Variants in TRIOBP observed in about 807,000 individuals in gnomAD.
TRIOBP encodes TRIO and F-actin binding protein, also known as TRIO and F-actin-binding protein.
A neutral mutation model predicts 238.8 loss-of-function variants in TRIOBP; 169 were observed. The ratio of observed to expected loss-of-function variants is 0.71; its 90% CI spans 0.62 to 0.80. The LOEUF (loss-of-function observed/expected upper bound fraction) is 0.80, where lower values mean the gene tolerates loss of function less well. Ranked by LOEUF, TRIOBP falls within the 30% of genes least tolerant of loss-of-function variation. TRIOBP has a pLI of 0.00. For missense variants in TRIOBP, 2,838 were observed against 3,122.6 expected (o/e 0.91, Z 2.17); for synonymous variants, 1,150 against 1,274.4 (o/e 0.90, Z 2.08).
At chr22:37,713,099 C>G in intron 4 of TRIOBP, 111 bp from the exon 5 acceptor site, 1 of 973,688 alleles carries the variant, frequency 1.0e-6, no homozygotes, top group Middle Eastern at 3.0e-4. Flanking sequence ...CTCCCTTTCC[C>G]ACACCAGCGT....
chr22:37,755,760 C>G (rs1925886806), intron 15 of TRIOBP, 101 bp downstream of exon 15: 1 of 935,910 alleles, frequency 1.1e-6, no homozygotes, highest in Non-Finnish European at 1.7e-6. Context: ...TTTCTGGGCC[C>G]TCGTTTCTCT....
At chr22:37,707,981 T>C (rs1234405030) in intron 3 of TRIOBP, among the ~76,000 whole-genome samples, 1 of 146,976 alleles carries the variant, frequency 6.8e-6, no homozygotes, top group Non-Finnish European at 1.5e-5. Flanking sequence ...GCGTGGTGGC[T>C]CACGGCTGTA....
chr22:37,762,452 T>G (rs548771009), intron 17 of TRIOBP, among the ~76,000 whole-genome samples: 2 of 152,326 alleles, frequency 1.3e-5, no homozygotes, highest in South Asian at 4.2e-4. Context: ...AAGGCACTGC[T>G]TTGGCTTCTC....
chr22:37,719,202 C>CAAATAAATAAAT (rs57821341), intron 6 of TRIOBP, among the ~76,000 whole-genome samples: 49 of 145,936 alleles, frequency 3.4e-4, no homozygotes, highest in African/African-American at 9.7e-4. Flanking sequence ...GACTCCATCT[C>CAAATAAATAAAT]AAATAAATAA....
At chr22:37,700,635 T>C (rs1341056198) in intron 2 of TRIOBP, among the ~76,000 whole-genome samples, 1 of 152,062 alleles carries the variant, frequency 6.6e-6, no homozygotes. Context: ...AGGATGGTCT[T>C]GAACTCTTGG....
At chr22:37,770,348 G>A (rs1276302474) in intron 21 of TRIOBP, among the ~76,000 whole-genome samples, 1 of 150,360 alleles carries the variant, frequency 6.7e-6, no homozygotes, top group Non-Finnish European at 1.5e-5. Flanking sequence ...CACTCCGGAG[G>A]CTGAGGCAGG....
rs11316099 is a variant in TRIOBP, at chr22:37,730,946, CAA to C, written c.3948-2332_3948-2331del. Among the ~76,000 whole-genome samples the C allele has an allele frequency of 5.9e-3, 495 of 83,802 alleles. 3 individuals are homozygous for C. Among genetic ancestry groups the C allele is most frequent in the African/African-American group, 0.017 (344 of 19,748 alleles). The allele number at this position is 83,802 out of a possible 152,430, so 55.0% of individuals were successfully genotyped here. On this transcript the variant is annotated intron_variant, in intron 7 of 23. Transcript: ENST00000644935. ...TGGGTGACAGAGCGAGACTCCATCTCAAAAAAAAAAAAAAAAAAAAAGTTACA... is the reference window on the plus strand; with the variant it reads ...TGGGTGACAGAGCGAGACTCCATCTCAAAAAAAAAAAAAAAAAAAGTTACA...
At chr22:37,770,844 G>A (rs1217815199) in intron 21 of TRIOBP, among the ~76,000 whole-genome samples, 1 of 151,842 alleles carries the variant, frequency 6.6e-6, no homozygotes, top group Non-Finnish European at 1.5e-5. Flanking sequence ...CACCACACCT[G>A]GCTAATTTTT....
intron 11 of TRIOBP, among the ~76,000 whole-genome samples, chr22:37,744,688 G>A (rs542582742): frequency 6.6e-6 from 1 of 152,204 alleles, no homozygotes; most frequent in African/African-American, 2.4e-5. Context: ...GAGGTGCAAG[G>A]GTAGGGTGAG....
In TRIOBP at chr22:37,768,126, C is replaced by G. The variant is rs762634587; in HGVS notation, c.6525C>G (p.Ser2175Arg). 8 of 1,613,648 alleles carry G rather than the reference C, an allele frequency of 5.0e-6. No individual in the cohort carries two copies. Among genetic ancestry groups the G allele is most frequent in the Non-Finnish European group, 6.8e-6 (8 of 1,179,866 alleles). The part of the protein sequence containing the change: ...AYQEELSREL[S>R]KTRSLQQGPD... ...AGGAAGAGCTGAGCCGAGAGCTGAGCAAAACACGGAGTCTCCAGCAGGGCC... is the reference window on the plus strand; with the variant it reads ...AGGAAGAGCTGAGCCGAGAGCTGAGGAAAACACGGAGTCTCCAGCAGGGCC... Residue 2175 changes from serine (S) to arginine (R), a missense_variant, in exon 19 of 24, where the codon AGC becomes AGG. Physicochemically the swap from Ser to Arg is moderately radical, Grantham distance 110. This residue lies in a region of TRIOBP where 2,096 missense variants were observed against 2,137.4 expected (regional missense o/e 0.98). Coordinates refer to ENST00000644935, the MANE Select transcript of TRIOBP (RefSeq NM_001039141.3).
chr22:37,726,603 C>A, intron 7 of TRIOBP, 100 bp downstream of exon 7: 1 of 1,246,356 alleles, frequency 8.0e-7, no homozygotes, highest in South Asian at 1.8e-5. Flanking sequence ...TCAAATCCCC[C>A]TGGCTTGCCA....
Position 37,726,158 on chromosome 22 carries a change from C to G in TRIOBP, c.3602C>G (p.Pro1201Arg). 6.3e-7 allele frequency: 1 copy of G among 1,583,012 alleles called. No homozygotes were observed. The highest frequency in any genetic ancestry group is 8.6e-7 in the Non-Finnish European group (1 of 1,164,276). ...PPGTSMESLAPSTDSLHGSPV... is the reference protein window; with the variant it reads ...PPGTSMESLARSTDSLHGSPV... ...GGAACTAGTATGGAGAGCCTGGCCC[C>G]CTCCACTGACTCTCTGCATGGCTCC... Residue 1201 changes from proline (P) to arginine (R), a missense_variant, in exon 7 of 24, where the codon CCC becomes CGC. By Grantham distance (103) the Pro-to-Arg change is moderately radical (BLOSUM62 -2). Around this residue, in one of 5 missense-constraint regions of TRIOBP, gnomAD observed 2,096 missense variants for 2,137.4 expected, o/e 0.98. Transcript: ENST00000644935.
At chr22:37,761,977 T>C (rs1379051289) in intron 17 of TRIOBP, among the ~76,000 whole-genome samples, 1 of 131,450 alleles carries the variant, frequency 7.6e-6, no homozygotes. Context: ...TGCTCTGCTC[T>C]AAGAAGCTGC....
chr22:37,701,178 A>C (rs1922626649), intron 2 of TRIOBP, 128 bp from the exon 3 acceptor site: 4 of 584,090 alleles, frequency 6.8e-6, no homozygotes, highest in Non-Finnish European at 9.4e-6. Flanking sequence ...GGAGAACAGG[A>C]ACCCAAAGGA....
At chr22:37,767,866 T>G (rs1926578797) in intron 18 of TRIOBP, among the ~76,000 whole-genome samples, 1 of 152,116 alleles carries the variant, frequency 6.6e-6, no homozygotes, top group South Asian at 2.1e-4. Context: ...CCCAAGCCAC[T>G]CAGTTTATGA....
At chr22:37,767,829 A>G (rs764056794) in intron 18 of TRIOBP, among the ~76,000 whole-genome samples, 4 of 152,052 alleles carry the variant, frequency 2.6e-5, no homozygotes, top group African/African-American at 7.2e-5. Flanking sequence ...CCCTTAATAG[A>G]TGGGCTGAGA....
chr22:37,773,276 TG>T (rs1255605418), intron 23 of TRIOBP, among the ~76,000 whole-genome samples: 2 of 152,104 alleles, frequency 1.3e-5, no homozygotes, highest in Non-Finnish European at 2.9e-5. Context: ...TGGAGTGCAG[TG>T]GTGCAATCAC....
chr22:37,759,627 G>C, intron 17 of TRIOBP: 1 of 1,540,436 alleles, frequency 6.5e-7, no homozygotes, highest in Non-Finnish European at 8.7e-7. Context: ...GTGGCCCCGA[G>C]AGTCACTCCC....
intron 19 of TRIOBP, among the ~76,000 whole-genome samples, 170 bp downstream of exon 19, chr22:37,768,346 G>A (rs573228260): frequency 1.9e-4 from 29 of 152,316 alleles, no homozygotes; most frequent in Admixed American, 5.2e-4. Context: ...CCCCATGCCA[G>A]TCCTCACAGA....
Sources: gnomAD v4.1 joint callset for allele counts (sites outside exome capture counted in the v4.1 genomes callset) on GRCh38, gnomAD v4.1.1 for gene constraint, gnomAD v4.1.1 regional missense constraint, MANE v1.5 for transcripts, NCBI Gene and HGNC (gene_info 2026-07-23, HGNC 2026-07-21) for gene names.